FAM107B: variants seen among roughly 807,000 people sequenced by gnomAD.
FAM107B encodes the protein protein FAM107B.
Under a neutral mutation model 31.5 loss-of-function variants are expected in FAM107B, and 21 were observed. That is an observed-to-expected ratio of 0.67 (90% CI 0.47 to 0.96). The LOEUF is 0.96. Ranked by LOEUF, FAM107B falls within the 40% of genes least tolerant of loss-of-function variation. The pLI is 0.00. For missense variants in FAM107B, 452 were observed against 377.1 expected, an observed-to-expected ratio of 1.20 and a Z score of -1.64; for synonymous variants, 157 against 141.5, an observed-to-expected ratio of 1.11 and a Z score of -0.78.
intron 1 of FAM107B, among the ~76,000 whole-genome samples, chr10:14,725,004 G>C (rs1564274289): frequency 6.6e-6 from 1 of 152,242 alleles, no homozygotes; most frequent in South Asian, 2.1e-4. Flanking sequence ...TGCTTTGAAT[G>C]TAATGTAAAT....
At chr10:14,608,249 A>G (rs1279567364) in intron 2 of FAM107B, among the ~76,000 whole-genome samples, 1 of 152,216 alleles carries the variant, frequency 6.6e-6, no homozygotes, top group East Asian at 1.9e-4. Flanking sequence ...TGCACTGTGT[A>G]CGTGGACATT....
At chr10:14,667,298 A>G (rs1180118109) in intron 2 of FAM107B, among the ~76,000 whole-genome samples, 1 of 152,238 alleles carries the variant, frequency 6.6e-6, no homozygotes, top group African/African-American at 2.4e-5. Context: ...ATAATCATAA[A>G]TATTTCAGTA....
intron 1 of FAM107B, among the ~76,000 whole-genome samples, chr10:14,712,208 C>T (rs374534004): frequency 3.9e-5 from 6 of 152,124 alleles, no homozygotes; most frequent in African/African-American, 9.6e-5. Flanking sequence ...TTACCCATTG[C>T]GTGCCTGTAC....
chr10:14,746,186 G>A (rs746207615), intron 1 of FAM107B, among the ~76,000 whole-genome samples: 2 of 152,138 alleles, frequency 1.3e-5, no homozygotes, highest in Non-Finnish European at 2.9e-5. Flanking sequence ...GAGCCTATGT[G>A]TGTCTTTGCA....
At chr10:14,641,121 T>G (rs2131432203) in intron 2 of FAM107B, among the ~76,000 whole-genome samples, 1 of 152,360 alleles carries the variant, frequency 6.6e-6, no homozygotes, top group East Asian at 1.9e-4. Flanking sequence ...CAAATGTGTT[T>G]GCTTAAATAG....
chr10:14,539,764 G>C (rs1847991724), intron 2 of FAM107B, among the ~76,000 whole-genome samples: 1 of 152,184 alleles, frequency 6.6e-6, no homozygotes, highest in South Asian at 2.1e-4. Flanking sequence ...ACAGCCCCTT[G>C]TCTTGGCAAG....
chr10:14,531,048 G>C (rs1433110099), intron 2 of FAM107B, among the ~76,000 whole-genome samples: 5 of 152,110 alleles, frequency 3.3e-5, no homozygotes, highest in East Asian at 1.9e-4. Flanking sequence ...AGACGGGATG[G>C]AATCAGTCAC....
intron 2 of FAM107B, among the ~76,000 whole-genome samples, chr10:14,554,598 T>A (rs1387974035): frequency 6.6e-6 from 1 of 152,186 alleles, no homozygotes; most frequent in Non-Finnish European, 1.5e-5. Context: ...GTCTCAAACA[T>A]GCCAGGAGTT....
At chr10:14,525,330 C>T (rs1465585339) in intron 3 of FAM107B, among the ~76,000 whole-genome samples, 1 of 148,974 alleles carries the variant, frequency 6.7e-6, no homozygotes, top group African/African-American at 2.6e-5. Flanking sequence ...GTCGGCTTCT[C>T]GGTCAGGTAG....
chr10:14,642,593 T>G (rs566450705), intron 2 of FAM107B, among the ~76,000 whole-genome samples: 10 of 150,106 alleles, frequency 6.7e-5, no homozygotes, highest in African/African-American at 2.5e-4. Flanking sequence ...TATCAAGTGA[T>G]AGTTTGGCCA....
chr10:14,729,372 G>A (rs1319574909), intron 1 of FAM107B, among the ~76,000 whole-genome samples: 3 of 152,134 alleles, frequency 2.0e-5, no homozygotes, highest in Non-Finnish European at 4.4e-5. Flanking sequence ...GCTGCCCAAG[G>A]TCATTGCTAT....
chr10:14,594,797 C>T (rs763212870), intron 2 of FAM107B, among the ~76,000 whole-genome samples: 5 of 152,180 alleles, frequency 3.3e-5, no homozygotes, highest in Non-Finnish European at 5.9e-5. Flanking sequence ...AAAATAATGG[C>T]CATAACTGTG....
chr10:14,727,298 A>T (rs1196739681), intron 1 of FAM107B, among the ~76,000 whole-genome samples: 1 of 152,192 alleles, frequency 6.6e-6, no homozygotes, highest in East Asian at 1.9e-4. Flanking sequence ...TTACACTCTG[A>T]CTTTTCCCTA....
At chr10:14,528,092 G>T in intron 3 of FAM107B, 1 of 344,186 alleles carries the variant, frequency 2.9e-6, no homozygotes, top group Non-Finnish European at 5.6e-6. Context: ...TTGTCACATA[G>T]GAAGTGGAAG....
chr10:14,571,801 G>T (rs1356952746), intron 2 of FAM107B: 1 of 985,242 alleles, frequency 1.0e-6, no homozygotes, highest in East Asian at 1.1e-4. Context: ...TTAATCATGG[G>T]CATTCAAGGT....
chr10:14,577,721 G>C (rs949923759), intron 2 of FAM107B, among the ~76,000 whole-genome samples: 1 of 152,096 alleles, frequency 6.6e-6, no homozygotes, highest in Non-Finnish European at 1.5e-5. Flanking sequence ...TGCTTATAAC[G>C]TAACAACACA....
intron 2 of FAM107B, among the ~76,000 whole-genome samples, chr10:14,549,415 G>C (rs1364937983): frequency 6.6e-6 from 1 of 152,260 alleles, no homozygotes; most frequent in Non-Finnish European, 1.5e-5. Flanking sequence ...ATAAAGATGA[G>C]AGAAGTTTAG....
chr10:14,588,546 A>AC (rs780419466), intron 2 of FAM107B, among the ~76,000 whole-genome samples: 1 of 151,846 alleles, frequency 6.6e-6, no homozygotes, highest in Admixed American at 6.6e-5. Context: ...GGTCCCATAA[A>AC]CCCCCGGAGG....
chr10:14,597,134 G>A (rs996018404), intron 2 of FAM107B, among the ~76,000 whole-genome samples: 3 of 152,144 alleles, frequency 2.0e-5, no homozygotes, highest in African/African-American at 7.2e-5. Flanking sequence ...ATAGAATCAA[G>A]TTACAAGGGA....
Sources: gnomAD v4.1 joint callset for allele counts (sites outside exome capture counted in the v4.1 genomes callset) on GRCh38, gnomAD v4.1.1 for gene constraint, MANE v1.5 for transcripts, NCBI Gene and HGNC (gene_info 2026-07-23, HGNC 2026-07-21) for gene names.